The following ANKRD17 variants were observed in gnomAD, a reference collection of about 807,000 sequenced individuals.
ANKRD17 encodes the protein ankyrin repeat domain-containing protein 17.
In ANKRD17, 19 loss-of-function variants were observed where a neutral mutation model predicts 229.7. The observed-to-expected ratio is 0.08, with a 90% CI of 0.06 to 0.12. The LOEUF (loss-of-function observed/expected upper bound fraction) is 0.12, where lower values mean the gene tolerates loss of function less well. ANKRD17 is among the 10% of genes least tolerant of loss of function. The pLI is 1.00. For synonymous variants in ANKRD17, 1,112 were observed against 1,146.1 expected (o/e 0.97, Z 0.60); for missense variants, 2,176 against 3,176.8 (o/e 0.68, Z 7.57).
chr4:73,148,682 C>CT lies in ANKRD17; in HGVS notation c.1567+130dup, dbSNP rs1208538279. The CT allele has an allele frequency of 4.9e-6, 4 of 820,836 alleles. No individual in the cohort carries two copies. The African/African-American group carries it at 5.2e-5, about 11-fold the overall frequency. The allele number at this position is 820,836 out of a possible 1,614,324, so 50.8% of individuals were successfully genotyped here. ...ATGGGAGCCATTTTCACAGTAAATA[C>CT]TTTATCACTGGTTTGTGTAATAGCT... is the stretch of plus-strand genomic sequence containing the variant. On this transcript the variant is annotated intron_variant, in intron 8 of 33. Coordinates refer to ENST00000358602, the MANE Select transcript of ANKRD17 (RefSeq NM_032217.5).
intron 1 of ANKRD17, among the ~76,000 whole-genome samples, chr4:73,180,676 G>A (rs968103976): frequency 6.6e-6 from 1 of 152,102 alleles, no homozygotes; most frequent in Non-Finnish European, 1.5e-5. Flanking sequence ...CTATCAAAAT[G>A]ACAGAAAAGA....
At chr4:73,135,031 T>C in intron 16 of ANKRD17, 86 bp downstream of exon 16, 2 of 1,376,406 alleles carry the variant, frequency 1.5e-6, no homozygotes, top group Non-Finnish European at 2.0e-6. Context: ...AAGCAGTCTT[T>C]CATGGTTTAA....
chr4:73,241,603 T>A (rs1454349753), intron 1 of ANKRD17, among the ~76,000 whole-genome samples: 18 of 152,144 alleles, frequency 1.2e-4, no homozygotes, highest in Admixed American at 1.2e-3. Flanking sequence ...CTTTCTAACA[T>A]TTCAGTGGCC....
In ANKRD17 at chr4:73,124,975, C is replaced by T; in HGVS notation, c.3430G>A (p.Ala1144Thr). The T allele has an allele frequency of 6.2e-7, 1 of 1,614,162 alleles. No individual in the cohort carries two copies. The highest frequency in any genetic ancestry group is 8.5e-7 in the Non-Finnish European group (1 of 1,180,012). ...ILLDNGADIE[A>T]QSERTKDTPL... ...GTGTCCTTGGTTCTTTCAGACTGGG[C>T]TTCAATGTCTGCACCATTGTCCAGC... Residue 1144 changes from alanine to threonine, a missense_variant, in exon 18 of 34, where the codon GCC (alanine) becomes ACC (threonine). By Grantham distance (58) the Ala-to-Thr change is moderately conservative. This residue lies in a region of ANKRD17 where 178 missense variants were observed against 421.7 expected (regional missense o/e 0.42). Coordinates refer to ENST00000358602, the MANE Select transcript of ANKRD17 (RefSeq NM_032217.5).
At chr4:73,124,727 T>C (rs1381012194) in intron 18 of ANKRD17, among the ~76,000 whole-genome samples, 186 bp downstream of exon 18, 2 of 152,246 alleles carry the variant, frequency 1.3e-5, no homozygotes, top group African/African-American at 4.8e-5. Flanking sequence ...AAACAATGTG[T>C]GATTTTTCTG....
At chr4:73,243,498 C>G (rs1744225901) in intron 1 of ANKRD17, among the ~76,000 whole-genome samples, 1 of 152,110 alleles carries the variant, frequency 6.6e-6, no homozygotes, top group Admixed American at 6.5e-5. Context: ...AGAAACATGA[C>G]CTAGTCCTAA....
chr4:73,086,948 A>ATATC (rs1722251877), intron 29 of ANKRD17, among the ~76,000 whole-genome samples: 1 of 92,894 alleles, frequency 1.1e-5, no homozygotes, highest in South Asian at 4.1e-4. Context: ...ATATATATAT[A>ATATC]TATATCTGTA....
chr4:73,258,453 G>A lies in ANKRD17; in HGVS notation c.216C>T (p.His72=), dbSNP rs1180044553. The A allele has an allele frequency of 2.5e-6, 4 of 1,608,342 alleles. No homozygotes were observed. The highest frequency in any genetic ancestry group is 1.3e-5 in the African/African-American group (1 of 74,756). Residue 72 remains histidine, a synonymous_variant, in exon 1 of 34, where the codon CAC becomes CAT. Coordinates refer to ENST00000358602, the MANE Select transcript of ANKRD17 (RefSeq NM_032217.5). Reference sequence around the variant, plus strand: ...GGCAAGTCCGGTTACGCTTGGCCTTGTGGTGCTGCTGCTGCGGCGGCTTCT... The same window carrying A: ...GGCAAGTCCGGTTACGCTTGGCCTTATGGTGCTGCTGCTGCGGCGGCTTCT... The part of the protein sequence containing the change: ...LKKKPPQQQH[H]KAKRNRTCRP...
At position 73,098,170 on chromosome 4, in the gene ANKRD17, C is replaced by T; in HGVS notation, c.4924G>A (p.Val1642Met). 1 of 1,614,188 alleles carries T rather than the reference C, an allele frequency of 6.2e-7. No homozygotes were observed. Among genetic ancestry groups the T allele is most frequent in the Non-Finnish European group, 8.5e-7 (1 of 1,180,030 alleles). ...TTGCTGCTCACAGTGGTAGTGACCA[C>T]AGCTGGTGAATGATTGTCACTCTTA... The part of the protein sequence containing the change: ...SRKSDNHSPA[V>M]VTTTVSSKKQ... Residue 1642 changes from valine (V) to methionine (M), a missense_variant, in exon 26 of 34, where the codon GTG becomes ATG. Val to Met is a conservative substitution (Grantham distance 21). Around this residue, in one of 18 missense-constraint regions of ANKRD17, gnomAD observed 98 missense variants for 101.0 expected, o/e 0.97. Transcript: ENST00000358602.
intron 14 of ANKRD17, among the ~76,000 whole-genome samples, chr4:73,140,738 AC>A (rs1275284049): frequency 6.6e-6 from 1 of 152,216 alleles, no homozygotes; most frequent in East Asian, 1.9e-4. Context: ...AAACACACAC[AC>A]ATACACACAA....
chr4:73,176,060 G>A (rs1734696171), intron 2 of ANKRD17, among the ~76,000 whole-genome samples: 1 of 150,444 alleles, frequency 6.6e-6, no homozygotes, highest in South Asian at 2.1e-4. Flanking sequence ...CTACCCAGCT[G>A]ACAATGAATT....
At chr4:73,234,845 A>G (rs1560771030) in intron 1 of ANKRD17, among the ~76,000 whole-genome samples, 2 of 152,208 alleles carry the variant, frequency 1.3e-5, no homozygotes, top group East Asian at 1.9e-4. Context: ...GGGAAGCCCA[A>G]CTGACCTAGC....
intron 1 of ANKRD17, among the ~76,000 whole-genome samples, chr4:73,197,046 A>C (rs1737982324): frequency 6.6e-6 from 1 of 152,184 alleles, no homozygotes; most frequent in Non-Finnish European, 1.5e-5. Context: ...CTAGTCATTC[A>C]GAACCCAGGA....
chr4:73,132,954 A>G (rs777248435), intron 16 of ANKRD17, among the ~76,000 whole-genome samples: 4 of 152,178 alleles, frequency 2.6e-5, no homozygotes, highest in Non-Finnish European at 5.9e-5. Context: ...CTTGCTAAAC[A>G]TAATAGTCTC....
chr4:73,076,866 T>C, intron 33 of ANKRD17, 74 bp downstream of exon 33: 1 of 1,494,184 alleles, frequency 6.7e-7, no homozygotes, highest in Non-Finnish European at 9.0e-7. Context: ...CTATCATGAG[T>C]TACCTGAATC....
At chr4:73,252,017 T>A (rs1283814014) in intron 1 of ANKRD17, among the ~76,000 whole-genome samples, 1 of 152,242 alleles carries the variant, frequency 6.6e-6, no homozygotes, top group Non-Finnish European at 1.5e-5. Context: ...GGATCTACTG[T>A]AAATAATAGC....
chr4:73,238,488 G>C (rs940380610), intron 1 of ANKRD17, among the ~76,000 whole-genome samples: 1 of 152,132 alleles, frequency 6.6e-6, no homozygotes, highest in Non-Finnish European at 1.5e-5. Flanking sequence ...ATTAATCCAT[G>C]AATGTTCCCA....
chr4:73,211,596 C>T (rs1361938196), intron 1 of ANKRD17, among the ~76,000 whole-genome samples: 1 of 152,110 alleles, frequency 6.6e-6, no homozygotes, highest in Non-Finnish European at 1.5e-5. Flanking sequence ...CCTGTAATCT[C>T]AGCACTTTGG....
chr4:73,169,867 G>T (rs550680552), intron 2 of ANKRD17, among the ~76,000 whole-genome samples: 3 of 152,202 alleles, frequency 2.0e-5, no homozygotes, highest in African/African-American at 7.2e-5. Flanking sequence ...TGCTCGTGGA[G>T]GGAGCTTTTG....
Sources: allele counts gnomAD v4.1 joint callset (sites outside exome capture counted in the v4.1 genomes callset), GRCh38; gene constraint gnomAD v4.1.1; regional missense constraint gnomAD v4.1.1; transcripts MANE v1.5; gene names NCBI Gene and HGNC (gene_info 2026-07-23, HGNC 2026-07-21).